The following PCNX2 variants were observed in gnomAD, a reference collection of about 807,000 sequenced individuals.
PCNX2 encodes the protein pecanex 2, also known as pecanex-like protein 2.
Under a neutral mutation model 223.8 loss-of-function variants are expected in PCNX2, and 168 were observed. The observed-to-expected ratio is 0.75, with a 90% CI of 0.66 to 0.85. The LOEUF (loss-of-function observed/expected upper bound fraction) is 0.85. Ranked by LOEUF, PCNX2 falls within the 40% of genes least tolerant of loss-of-function variation. The pLI is 0.00. For missense variants in PCNX2, 2,507 were observed against 2,675.5 expected (o/e 0.94, Z 1.39); for synonymous variants, 1,006 against 1,052.6 (o/e 0.96, Z 0.86).
intron 23 of PCNX2, among the ~76,000 whole-genome samples, chr1:233,080,007 CTTGT>C (rs1212306639): frequency 6.6e-6 from 1 of 152,274 alleles, no homozygotes; most frequent in East Asian, 1.9e-4. Flanking sequence ...GTCTCACGAA[CTTGT>C]TTGTTTCCCA....
rs1487378319 is a variant in PCNX2, at chr1:233,253,158, T to TA, written c.1835-371dup. Among the ~76,000 whole-genome samples, 2 of 152,228 alleles carry TA rather than the reference T, an allele frequency of 1.3e-5. No homozygotes were observed. The highest frequency in any genetic ancestry group is 2.4e-5 in the African/African-American group (1 of 41,464). ...CTCATAAATGAATAACTTCAGATTT[T>TA]AAAAAATTACAAAAACAAATCTGGC... On this transcript the variant is annotated intron_variant, in intron 5 of 33. Transcript: ENST00000258229. This position sits in a 1 kb window ranked among gnomAD's most constrained non-coding sequence, Gnocchi z 4.2.
chr1:233,079,527 C>CAAAAA (rs1160625472), intron 23 of PCNX2, among the ~76,000 whole-genome samples: 1 of 69,396 alleles, frequency 1.4e-5, no homozygotes, highest in Non-Finnish European at 3.0e-5. Context: ...CACTCCGTCT[C>CAAAAA]AAAAAAAAAA....
At chr1:233,277,502 T>C (rs1469492886) in intron 1 of PCNX2, among the ~76,000 whole-genome samples, 2 of 152,068 alleles carry the variant, frequency 1.3e-5, no homozygotes, top group Admixed American at 6.5e-5. Context: ...CAAACCAACA[T>C]GGCCTAAGGG....
At chr1:232,997,338 C>T (rs1340276402) in intron 32 of PCNX2, among the ~76,000 whole-genome samples, 3 of 152,230 alleles carry the variant, frequency 2.0e-5, no homozygotes, top group Non-Finnish European at 2.9e-5. Context: ...ATACATCCTA[C>T]TGTCTCTGTT....
intron 9 of PCNX2, among the ~76,000 whole-genome samples, chr1:233,228,270 C>T (rs1657863622): frequency 6.6e-6 from 1 of 152,190 alleles, no homozygotes; most frequent in Non-Finnish European, 1.5e-5. Flanking sequence ...TTGCTTGTCA[C>T]TTCTTGCTAC....
rs1349726765 is a variant in PCNX2 at position 232,986,480 on chromosome 1, G to T, written c.5852C>A (p.Pro1951His). ...GATGGGGCCAGATGAGCTCAGCATG[G>T]GCGGCCTTTGGCTTAGCGCTGAGTG... ...QAHSALSQRP[P>H]MLSSSGPILE... Residue 1951 changes from proline to histidine, a missense_variant, in exon 33 of 34, where the codon CCC becomes CAC. Pro to His is a moderately conservative substitution (Grantham distance 77). This residue lies in a region of PCNX2 where 1,372 missense variants were observed against 1,509.4 expected (regional missense o/e 0.91). Coordinates refer to ENST00000258229, the MANE Select transcript of PCNX2 (RefSeq NM_014801.4). 4 of 1,594,052 alleles carry T rather than the reference G, an allele frequency of 2.5e-6. No individual in the cohort carries two copies. The African/African-American group carries it at 4.0e-5, about 16-fold the overall frequency.
chr1:233,182,197 A>C (rs1679841000), intron 15 of PCNX2, among the ~76,000 whole-genome samples: 3 of 152,128 alleles, frequency 2.0e-5, no homozygotes, highest in Admixed American at 2.0e-4. Context: ...CAGGTGATTT[A>C]AGTTTTTGAC....
intron 23 of PCNX2, among the ~76,000 whole-genome samples, chr1:233,070,263 A>G (rs1672795720): frequency 7.0e-6 from 1 of 143,048 alleles, no homozygotes; most frequent in Admixed American, 6.8e-5. Context: ...TGAAGGCTTC[A>G]CTGAAGAATT....
chr1:233,250,481 T>C, intron 8 of PCNX2: 1 of 838,252 alleles, frequency 1.2e-6, no homozygotes. Flanking sequence ...ATTATTATGT[T>C]TATACAGAGT....
intron 8 of PCNX2, among the ~76,000 whole-genome samples, chr1:233,242,603 C>A (rs6424178): frequency 0.083 from 12,571 of 152,176 alleles, 1,347 homozygotes; most frequent in African/African-American, 0.25. Flanking sequence ...TACTTGGATT[C>A]ATTTATACAC....
At chr1:233,053,383 G>A (rs976858670) in intron 25 of PCNX2, among the ~76,000 whole-genome samples, 7 of 152,204 alleles carry the variant, frequency 4.6e-5, no homozygotes, top group African/African-American at 1.7e-4. Flanking sequence ...CCCATTGAAT[G>A]TGGCACCTCC....
chr1:233,306,098 T>C, the PCNX2 span, among the ~76,000 whole-genome samples: 1 of 152,166 alleles, frequency 6.6e-6, no homozygotes, highest in Admixed American at 6.5e-5. Flanking sequence ...TGGGCAGCTA[T>C]TATTATTTAT....
Position 233,018,955 on chromosome 1 carries a change from T to C in PCNX2, c.4606-1801A>G, listed in dbSNP as rs1297824774. 3.0e-6 allele frequency: 3 copies of C among 985,336 alleles called. No individual in the cohort carries two copies. In the African/African-American group the frequency reaches 5.2e-5, roughly 17 times the overall value. The allele number at this position is 985,336 out of a possible 1,614,324, so 61.0% of individuals were successfully genotyped here. On this transcript the variant is annotated intron_variant, in intron 26 of 33. Coordinates refer to ENST00000258229, the MANE Select transcript of PCNX2 (RefSeq NM_014801.4). ...CGAAGTCTTCAGTGACTGACGCTTG[T>C]AAGTGGAGTGGGCTGAGAAACCCTT...
intron 19 of PCNX2, among the ~76,000 whole-genome samples, chr1:233,147,358 T>C (rs1032598050): frequency 4.6e-5 from 7 of 152,150 alleles, no homozygotes; most frequent in Admixed American, 2.0e-4. Context: ...GAAGATGTTA[T>C]TAAGAAAATC....
At chr1:233,084,286 T>C (rs1489369827) in intron 23 of PCNX2, among the ~76,000 whole-genome samples, 1 of 152,204 alleles carries the variant, frequency 6.6e-6, no homozygotes, top group Non-Finnish European at 1.5e-5. Flanking sequence ...GAACCAATTA[T>C]TTCTTGCTGA....
intron 10 of PCNX2, among the ~76,000 whole-genome samples, chr1:233,224,710 T>C (rs575546314): frequency 9.2e-5 from 14 of 152,284 alleles, no homozygotes; most frequent in East Asian, 3.9e-4. Flanking sequence ...TGTGAGTTCA[T>C]GTAGTCCCTT....
intron 25 of PCNX2, among the ~76,000 whole-genome samples, chr1:233,051,831 C>A (rs1247143145): frequency 6.6e-6 from 1 of 151,672 alleles, no homozygotes; most frequent in East Asian, 1.9e-4. Flanking sequence ...CATATGTACC[C>A]CCAAATCTAA....
intron 1 of PCNX2, among the ~76,000 whole-genome samples, chr1:233,283,964 T>C (rs916590443): frequency 1.3e-5 from 2 of 152,052 alleles, no homozygotes; most frequent in Non-Finnish European, 2.9e-5. Context: ...ATGATGCGGG[T>C]TGGGGAGAGG....
intron 14 of PCNX2, 24 bp from the exon 15 acceptor site, chr1:233,199,054 C>CT: frequency 6.6e-7 from 1 of 1,524,338 alleles, no homozygotes; most frequent in Non-Finnish European, 8.8e-7. Flanking sequence ...ATCAACAGTT[C>CT]TTTTCTAGAC....
Sources: gnomAD v4.1 joint callset for allele counts (sites outside exome capture counted in the v4.1 genomes callset) on GRCh38, gnomAD v4.1.1 for gene constraint, gnomAD v4.1.1 regional missense constraint, Gnocchi (gnomAD v3.1) non-coding constraint, MANE v1.5 for transcripts, NCBI Gene and HGNC (gene_info 2026-07-23, HGNC 2026-07-21) for gene names.